The following ESR1 variants were observed in gnomAD, a reference collection of about 807,000 sequenced individuals.
The protein encoded by ESR1 is estrogen receptor 1.
A neutral mutation model predicts 52.7 loss-of-function variants in ESR1; 12 were observed. That is an observed-to-expected ratio of 0.23 (90% CI 0.15 to 0.37). The LOEUF is 0.37. Among genes scored for constraint, ESR1 ranks in the 10% least tolerant of loss-of-function variants. ESR1 has a pLI of 1.00. For synonymous variants in ESR1, 305 were observed against 316.8 expected (o/e 0.96, Z 0.39); for missense variants, 584 against 779.7 (o/e 0.75, Z 2.99).
chr6:152,121,648 T>TA (rs2152518869), intron 6 of ESR1: 1 of 149,456 alleles, frequency 6.7e-6, no homozygotes, highest in African/African-American at 2.5e-5. Context: ...TAATGAAACT[T>TA]AGAGTTATTT....
intron 3 of ESR1, among the ~76,000 whole-genome samples, chr6:151,885,171 C>G (rs1286315770): frequency 6.6e-6 from 1 of 151,756 alleles, no homozygotes; most frequent in African/African-American, 2.4e-5. Context: ...ATATGCAAAC[C>G]CTTGGGAATA....
intron 3 of ESR1, among the ~76,000 whole-genome samples, chr6:151,933,471 G>A (rs956540025): frequency 6.7e-6 from 1 of 149,680 alleles, no homozygotes; most frequent in East Asian, 2.0e-4. Flanking sequence ...AATTGCCCTG[G>A]CCAGAACTTC....
At chr6:151,874,879 T>A (rs1195124315) in intron 2 of ESR1, among the ~76,000 whole-genome samples, 1 of 152,160 alleles carries the variant, frequency 6.6e-6, no homozygotes, top group African/African-American at 2.4e-5. Flanking sequence ...TTTAGTAAAA[T>A]CTTGGAATAG....
At chr6:152,047,242 A>G (rs1034975581) in intron 5 of ESR1, among the ~76,000 whole-genome samples, 1 of 151,544 alleles carries the variant, frequency 6.6e-6, no homozygotes, top group African/African-American at 2.4e-5. Flanking sequence ...GCTCATGGAA[A>G]GTAAGGGACC....
intron 4 of ESR1, among the ~76,000 whole-genome samples, chr6:151,952,140 G>A (rs955129894): frequency 6.6e-6 from 1 of 152,156 alleles, no homozygotes; most frequent in South Asian, 2.1e-4. Context: ...TGAATATTAG[G>A]AGAGACAGCA....
exon 7 of ESR1, chr6:152,125,526 T>C (rs993748241): frequency 2.4e-6 from 2 of 833,196 alleles, no homozygotes; most frequent in Non-Finnish European, 3.4e-6. Flanking sequence ...TTAAGAAGGA[T>C]AGGATAGCTA....
At chr6:151,663,418 A>C (rs1044337278) in intron 1 of ESR1, among the ~76,000 whole-genome samples, 7 of 152,248 alleles carry the variant, frequency 4.6e-5, no homozygotes, top group African/African-American at 1.4e-4. Flanking sequence ...TGCCCAGTAC[A>C]TTTAGTAAGA....
chr6:151,928,164 G>A (rs1359835701), intron 3 of ESR1, among the ~76,000 whole-genome samples: 1 of 152,046 alleles, frequency 6.6e-6, no homozygotes, highest in African/African-American at 2.4e-5. Context: ...GATGCTCCTT[G>A]ACTTATGATG....
At chr6:151,778,007 A>T (rs1407525307) in intron 2 of ESR1, among the ~76,000 whole-genome samples, 1 of 152,110 alleles carries the variant, frequency 6.6e-6, no homozygotes, top group Admixed American at 6.6e-5. Context: ...AAAATGTACA[A>T]TAGAGTGTGT....
intron 2 of ESR1, among the ~76,000 whole-genome samples, chr6:151,777,221 G>A (rs1441505450): frequency 1.3e-5 from 2 of 150,668 alleles, no homozygotes; most frequent in East Asian, 2.0e-4. Context: ...TGGTTCAAGC[G>A]ATTCTCCTGC....
intron 3 of ESR1, among the ~76,000 whole-genome samples, chr6:151,896,267 CTTCT>C (rs1795492422): frequency 6.6e-6 from 1 of 152,022 alleles, no homozygotes; most frequent in South Asian, 2.1e-4. Flanking sequence ...GGTACCAATT[CTTCT>C]TTGAGTGTCT....
intron 2 of ESR1, among the ~76,000 whole-genome samples, chr6:151,741,268 T>A (rs1783076392): frequency 6.6e-6 from 1 of 152,296 alleles, no homozygotes; most frequent in South Asian, 2.1e-4. Context: ...TTAGCTTAAA[T>A]GTGTTGCACT....
chr6:151,671,575 TTTAG>T (rs1778062741), intron 1 of ESR1, among the ~76,000 whole-genome samples: 1 of 152,026 alleles, frequency 6.6e-6, no homozygotes, highest in Non-Finnish European at 1.5e-5. Context: ...GGCACAAAGT[TTTAG>T]TTAGATAGGA....
At chr6:152,080,148 C>T (rs2049070618) in intron 6 of ESR1, among the ~76,000 whole-genome samples, 1 of 152,098 alleles carries the variant, frequency 6.6e-6, no homozygotes, top group African/African-American at 2.4e-5. Context: ...GAGAACACTA[C>T]AAAGATACTC....
intron 6 of ESR1, among the ~76,000 whole-genome samples, chr6:152,112,343 C>T (rs999230590): frequency 3.3e-5 from 5 of 152,144 alleles, no homozygotes; most frequent in African/African-American, 1.2e-4. Flanking sequence ...AAAATAGATG[C>T]CCTTTCAAAT....
intron 2 of ESR1, among the ~76,000 whole-genome samples, chr6:151,764,403 T>C (rs973816569): frequency 2.0e-5 from 3 of 152,206 alleles, no homozygotes; most frequent in African/African-American, 7.2e-5. Flanking sequence ...GAGATGTTTT[T>C]ACTTTGGAGA....
chr6:151,972,959 A>G (rs2039064217), intron 4 of ESR1, among the ~76,000 whole-genome samples: 1 of 152,198 alleles, frequency 6.6e-6, no homozygotes, highest in Non-Finnish European at 1.5e-5. Context: ...AGGCCAGAAG[A>G]CTAAACCAGT....
intron 3 of ESR1, among the ~76,000 whole-genome samples, chr6:151,942,456 T>G (rs1027970987): frequency 1.3e-5 from 2 of 152,144 alleles, no homozygotes; most frequent in Non-Finnish European, 2.9e-5. Context: ...AGTTCTAAAG[T>G]GCTTCCATGT....
chr6:152,096,409 C>G (rs1038415432), intron 7 of ESR1, among the ~76,000 whole-genome samples: 1 of 152,170 alleles, frequency 6.6e-6, no homozygotes, highest in Non-Finnish European at 1.5e-5. Context: ...CAGGCACCAC[C>G]CTTTCCGGAG....
Sources: allele counts gnomAD v4.1 joint callset (sites outside exome capture counted in the v4.1 genomes callset), GRCh38; gene constraint gnomAD v4.1.1; transcripts MANE v1.5; gene names NCBI Gene and HGNC (gene_info 2026-07-23, HGNC 2026-07-21).